Variants in NFIC observed in about 807,000 individuals in gnomAD.
NFIC encodes the protein nuclear factor I C.
Under a neutral mutation model 54.4 loss-of-function variants are expected in NFIC, and 12 were observed. That is an observed-to-expected ratio of 0.22 (90% CI 0.14 to 0.36). The LOEUF is 0.36. NFIC is among the 10% of genes least tolerant of loss of function. The probability of loss-of-function intolerance (pLI) is 1.00; values close to 1 mark genes in which losing one functional copy is unlikely to be tolerated. For synonymous variants in NFIC, 322 were observed against 319.2 expected (o/e 1.01, Z -0.09); for missense variants, 575 against 718.2 (o/e 0.80, Z 2.28).
chr19:3,450,388 G>T (rs953661631), intron 7 of NFIC, among the ~76,000 whole-genome samples: 13 of 146,558 alleles, frequency 8.9e-5, no homozygotes, highest in South Asian at 8.6e-4. Context: ...AGGCACAGTG[G>T]TTCACACCTG....
At chr19:3,430,248 T>C (rs948265799) in intron 3 of NFIC, among the ~76,000 whole-genome samples, 1 of 150,966 alleles carries the variant, frequency 6.6e-6, no homozygotes, top group Non-Finnish European at 1.5e-5. Context: ...ACCTTTCTTT[T>C]TTTTTTTTTT....
In NFIC at chr19:3,370,906, C is replaced by T. The variant is rs1316046847; in HGVS notation, c.30+4240C>T. ...GTGCCCATCTGCCCTGAGCACACAG[C>T]GTGCGGGCACCCAAGTCCTGACCAG... On this transcript the variant is annotated intron_variant, in intron 1 of 10. Coordinates refer to ENST00000443272, the MANE Select transcript of NFIC (RefSeq NM_001245002.2). This position sits in a 1 kb window ranked among gnomAD's most constrained non-coding sequence, Gnocchi z 5.2. Among the ~76,000 whole-genome samples the T allele has an allele frequency of 1.3e-5, 2 of 152,342 alleles. No homozygotes were observed. Among genetic ancestry groups the T allele is most frequent in the South Asian group, 2.1e-4 (1 of 4,826 alleles).
rs1248578329 is a variant in NFIC, at chr19:3,466,078, T to C, written c.*3309T>C. On this transcript the variant is annotated 3_prime_UTR_variant, in exon 11 of 11. Coordinates refer to ENST00000443272, the MANE Select transcript of NFIC (RefSeq NM_001245002.2). The surrounding 1 kb of genome is among the most constrained non-coding windows in gnomAD (Gnocchi z 4.8). ...TATATGCAATATCTGTCTGTCTGTC[T>C]GTACCCATGGGCCTGGCTCAGCCAT... is the stretch of plus-strand genomic sequence containing the variant. 2 of 152,358 alleles carry C rather than the reference T, an allele frequency of 1.3e-5. No homozygotes were observed. Among genetic ancestry groups the C allele is most frequent in the African/African-American group, 4.8e-5 (2 of 41,570 alleles). The allele number at this position is 152,358 out of a possible 1,614,324, so 9.4% of individuals were successfully genotyped here.
intron 2 of NFIC, among the ~76,000 whole-genome samples, chr19:3,389,936 A>C (rs910839563): frequency 1.3e-5 from 2 of 152,232 alleles, no homozygotes; most frequent in Non-Finnish European, 2.9e-5. Flanking sequence ...GTGAACCGAG[A>C]TTGCGCCATT....
chr19:3,366,616 G>T lies in NFIC; in HGVS notation c.-21G>T. 1 of 1,497,188 alleles carries T rather than the reference G, an allele frequency of 6.7e-7. No individual in the cohort carries two copies. The highest frequency in any genetic ancestry group is 1.3e-5 in the South Asian group (1 of 77,310). The allele number at this position is 1,497,188 out of a possible 1,614,324, so 92.7% of individuals were successfully genotyped here. ...CAGCGCGCCCGCTCCGGCCGGCCCT[G>T]CGCCTCCCGCCGCGCCCGGGATGTA... On this transcript the variant is annotated 5_prime_UTR_variant, in exon 1 of 11. Transcript: ENST00000443272.
chr19:3,383,877 C>T (rs530182785), intron 2 of NFIC, among the ~76,000 whole-genome samples: 7 of 152,286 alleles, frequency 4.6e-5, no homozygotes, highest in African/African-American at 1.4e-4. Context: ...AGACACAGCC[C>T]TTCTTTTCCC....
chr19:3,400,360 C>T (rs1285496805), intron 2 of NFIC, among the ~76,000 whole-genome samples: 1 of 151,864 alleles, frequency 6.6e-6, no homozygotes, highest in Non-Finnish European at 1.5e-5. Flanking sequence ...GCCTGTTGTC[C>T]CAGATCCTCA....
At chr19:3,382,288 C>G in intron 2 of NFIC, 45 bp downstream of exon 2, 1 of 1,575,190 alleles carries the variant, frequency 6.3e-7, no homozygotes, top group Non-Finnish European at 8.6e-7. Flanking sequence ...GGGAGGGTGT[C>G]TGATGGTGGT....
At position 3,463,312 on chromosome 19, in the gene NFIC, C is replaced by T. The variant is rs976469976; in HGVS notation, c.*543C>T. ...CCGGACACGGACCGGCCCCTCAGCC[C>T]CCACCGAGGACGCAGCCACTGGGGG... On this transcript the variant is annotated 3_prime_UTR_variant, in exon 11 of 11. Coordinates refer to ENST00000443272, the MANE Select transcript of NFIC (RefSeq NM_001245002.2). 1.0e-6 allele frequency: 1 copy of T among 987,492 alleles called. No homozygotes were observed. The highest frequency in any genetic ancestry group is 1.2e-6 in the Non-Finnish European group (1 of 831,608). The allele number at this position is 987,492 out of a possible 1,614,324, so 61.2% of individuals were successfully genotyped here.
chr19:3,425,918 CTTTTTTTTTTTTTTT>C (rs869165549), intron 3 of NFIC, among the ~76,000 whole-genome samples: 1 of 54,488 alleles, frequency 1.8e-5, no homozygotes, highest in Non-Finnish European at 3.1e-5. Context: ...CCATGCCTGG[CTTTTTTTTTTTTTTT>C]TTTTTTTTTT....
chr19:3,414,025 C>T (rs778647965), intron 2 of NFIC, among the ~76,000 whole-genome samples: 6 of 152,060 alleles, frequency 3.9e-5, no homozygotes, highest in South Asian at 2.1e-4. Flanking sequence ...TCTCTGTTGC[C>T]GCTGTGTCCC....
chr19:3,464,596 C>G lies in NFIC; in HGVS notation c.*1827C>G. ...CTCCCCCCACCACTGCCCCCTCCCC[C>G]GACCCAGGCCAAAGCCAGGGCAGGT... On this transcript the variant is annotated 3_prime_UTR_variant, in exon 11 of 11. Transcript: ENST00000443272. 5 of 970,686 alleles carry G rather than the reference C, an allele frequency of 5.2e-6. No homozygotes were observed. Among genetic ancestry groups the G allele is most frequent in the Non-Finnish European group, 6.1e-6 (5 of 817,112 alleles). The allele number at this position is 970,686 out of a possible 1,614,324, so 60.1% of individuals were successfully genotyped here.
In NFIC at chr19:3,463,476, T is replaced by C; in HGVS notation, c.*707T>C. The C allele has an allele frequency of 1.0e-6, 1 of 985,248 alleles. No individual in the cohort carries two copies. The highest frequency in any genetic ancestry group is 1.2e-6 in the Non-Finnish European group (1 of 829,952). The allele number at this position is 985,248 out of a possible 1,614,324, so 61.0% of individuals were successfully genotyped here. A position where few individuals can be genotyped will look rare whatever the true frequency, so the allele number is the denominator to read the frequency against. On this transcript the variant is annotated 3_prime_UTR_variant, in exon 11 of 11. Coordinates refer to ENST00000443272, the MANE Select transcript of NFIC (RefSeq NM_001245002.2). ...GAGGAAGTGAGGCCCAGGCACCTGC[T>C]GCCCCTCGAGGGGGCCCTGCCTGCC... is the stretch of plus-strand genomic sequence containing the variant.
At position 3,369,631 on chromosome 19, in the gene NFIC, G is replaced by A. The variant is rs562754797; in HGVS notation, c.30+2965G>A. On this transcript the variant is annotated intron_variant, in intron 1 of 10. Coordinates refer to ENST00000443272, the MANE Select transcript of NFIC (RefSeq NM_001245002.2). The surrounding 1 kb of genome is among the most constrained non-coding windows in gnomAD (Gnocchi z 4.3). ...CTGGGAGCCCCGGGCCGGGCTCAGC[G>A]GTGACTCAAGCGCTTTTTCACTTTT... Among the ~76,000 whole-genome samples the A allele has an allele frequency of 2.0e-5, 3 of 152,134 alleles. No individual in the cohort carries two copies. The highest frequency in any genetic ancestry group is 7.2e-5 in the African/African-American group (3 of 41,526).
Position 3,406,095 on chromosome 19 carries a change from TTTTG to T in NFIC, c.563-18998_563-18995del, listed in dbSNP as rs984350876. Reference sequence around the variant, plus strand: ...ACCACCATGCCCAGCTAAATTTGGGTTTTGTTTGTTTGTTTGAGACAGAGTCTCA... The same window carrying T: ...ACCACCATGCCCAGCTAAATTTGGGTTTTGTTTGTTTGAGACAGAGTCTCA... On this transcript the variant is annotated intron_variant, in intron 2 of 10. Transcript: ENST00000443272. Among the ~76,000 whole-genome samples the T allele has an allele frequency of 3.3e-5, 5 of 151,404 alleles. No individual in the cohort carries two copies. The South Asian group carries it at 6.3e-4, about 19-fold the overall frequency.
intron 1 of NFIC, 44 bp downstream of exon 1, chr19:3,366,710 C>T (rs767025850): frequency 8.4e-6 from 11 of 1,310,568 alleles, no homozygotes; most frequent in African/African-American, 6.2e-5. Flanking sequence ...CCGCGCCCCC[C>T]GCATCCCAGC....
At chr19:3,391,879 T>C (rs1311203872) in intron 2 of NFIC, among the ~76,000 whole-genome samples, 1 of 152,050 alleles carries the variant, frequency 6.6e-6, no homozygotes, top group Non-Finnish European at 1.5e-5. Flanking sequence ...AGAAAAATAG[T>C]GTCTGCGGTG....
At chr19:3,367,488 CTCCCCCT>C (rs1326217090) in intron 1 of NFIC, among the ~76,000 whole-genome samples, 1 of 152,132 alleles carries the variant, frequency 6.6e-6, no homozygotes, top group Admixed American at 6.5e-5. Flanking sequence ...CCCCCTCCCC[CTCCCCCT>C]CCCGTAGCCT....
intron 6 of NFIC, among the ~76,000 whole-genome samples, chr19:3,438,770 C>A (rs1443874384): frequency 6.6e-6 from 1 of 152,138 alleles, no homozygotes; most frequent in Non-Finnish European, 1.5e-5. Flanking sequence ...GTGTAAAGCC[C>A]TCCTGTGTGC....
Sources: allele counts gnomAD v4.1 joint callset (sites outside exome capture counted in the v4.1 genomes callset), GRCh38; gene constraint gnomAD v4.1.1; non-coding constraint Gnocchi (gnomAD v3.1); transcripts MANE v1.5; gene names NCBI Gene and HGNC (gene_info 2026-07-23, HGNC 2026-07-21).